Variants in ARK2C observed in about 807,000 individuals in gnomAD.
The protein encoded by ARK2C is arkadia (RNF111) C-terminal like ring finger ubiquitin ligase 2C.
the ARK2C span, chr18:46,337,671 T>C: frequency 2.2e-6 from 2 of 929,702 alleles, no homozygotes; most frequent in Admixed American, 6.2e-5. Flanking sequence ...CTTTTTCTCT[T>C]GCTGTTTTCC....
the ARK2C span, among the ~76,000 whole-genome samples, chr18:46,358,585 C>G: frequency 6.6e-6 from 1 of 152,170 alleles, no homozygotes; most frequent in Admixed American, 6.5e-5. Context: ...GCAGCTCTGG[C>G]CTTCAGGTGT....
chr18:46,387,922 G>A, the ARK2C span, among the ~76,000 whole-genome samples: 2 of 152,330 alleles, frequency 1.3e-5, no homozygotes, highest in South Asian at 4.1e-4. Context: ...CTAATCAACC[G>A]TGGCAGCTGT....
chr18:46,407,859 G>T, the ARK2C span, among the ~76,000 whole-genome samples: 1 of 152,216 alleles, frequency 6.6e-6, no homozygotes, highest in Non-Finnish European at 1.5e-5. Flanking sequence ...CATCACAAAT[G>T]TCACAAAGCT....
At chr18:46,360,098 G>C in the ARK2C span, among the ~76,000 whole-genome samples, 3 of 152,182 alleles carry the variant, frequency 2.0e-5, no homozygotes, top group African/African-American at 7.2e-5. Flanking sequence ...AGAATACCCT[G>C]AGACGCATCA....
At chr18:46,456,867 G>A in the ARK2C span, 1 of 518,616 alleles carries the variant, frequency 1.9e-6, no homozygotes, top group East Asian at 3.4e-5. Context: ...GAGCAGGAGA[G>A]AGGGAGCTGG....
At chr18:46,372,610 G>T in the ARK2C span, among the ~76,000 whole-genome samples, 1 of 152,182 alleles carries the variant, frequency 6.6e-6, no homozygotes. Context: ...AGGTGTCTGG[G>T]TTCCAATGAG....
At chr18:46,408,543 A>T in the ARK2C span, among the ~76,000 whole-genome samples, 1 of 152,198 alleles carries the variant, frequency 6.6e-6, no homozygotes, top group Non-Finnish European at 1.5e-5. Flanking sequence ...AGTCAAACAG[A>T]GTTAAGGTTA....
chr18:46,358,692 G>T, the ARK2C span, among the ~76,000 whole-genome samples: 8 of 152,046 alleles, frequency 5.3e-5, no homozygotes, highest in Non-Finnish European at 8.8e-5. Context: ...CTTACTGACA[G>T]GTTCCAGACC....
chr18:46,416,262 G>C, the ARK2C span, among the ~76,000 whole-genome samples: 1 of 152,302 alleles, frequency 6.6e-6, no homozygotes, highest in East Asian at 1.9e-4. Context: ...AGTGGGCATG[G>C]AGGGAGGAGG....
the ARK2C span, among the ~76,000 whole-genome samples, chr18:46,356,432 C>T: frequency 1.3e-5 from 2 of 152,058 alleles, no homozygotes; most frequent in African/African-American, 4.8e-5. Context: ...TTATTTTATG[C>T]CTGGCACTCA....
At chr18:46,407,461 A>G in the ARK2C span, among the ~76,000 whole-genome samples, 1 of 152,128 alleles carries the variant, frequency 6.6e-6, no homozygotes, top group Non-Finnish European at 1.5e-5. Flanking sequence ...CTCTCCCCAA[A>G]TATCATTTCT....
the ARK2C span, chr18:46,462,171 G>A: frequency 6.6e-6 from 1 of 152,324 alleles, no homozygotes; most frequent in African/African-American, 2.4e-5. Context: ...CCCTGTAGAG[G>A]AATAATGAGG....
At chr18:46,390,162 T>C in the ARK2C span, among the ~76,000 whole-genome samples, 378 of 152,330 alleles carry the variant, frequency 2.5e-3, 4 homozygotes, top group Non-Finnish European at 4.4e-4. Flanking sequence ...CCCTGTGGGA[T>C]GAGCCAGGCT....
At chr18:46,347,842 G>C in the ARK2C span, among the ~76,000 whole-genome samples, 1 of 152,166 alleles carries the variant, frequency 6.6e-6, no homozygotes, top group East Asian at 1.9e-4. Flanking sequence ...CCGGCAGGGT[G>C]ATAGTGAGGC....
At chr18:46,338,105 C>T in the ARK2C span, among the ~76,000 whole-genome samples, 3 of 152,240 alleles carry the variant, frequency 2.0e-5, no homozygotes, top group South Asian at 4.2e-4. Flanking sequence ...ATTTCAGACT[C>T]GCCTAAAAAC....
the ARK2C span, among the ~76,000 whole-genome samples, chr18:46,407,086 T>C: frequency 3.9e-5 from 6 of 152,140 alleles, no homozygotes; most frequent in Non-Finnish European, 5.9e-5. Context: ...GGGAAATGAG[T>C]ACTATAAATT....
chr18:46,335,386 C>G, the ARK2C span: 2 of 152,216 alleles, frequency 1.3e-5, no homozygotes, highest in Admixed American at 1.3e-4. Flanking sequence ...CTCCCCACCT[C>G]CACTCCACAT....
the ARK2C span, among the ~76,000 whole-genome samples, chr18:46,388,189 G>T: frequency 1.3e-5 from 2 of 152,144 alleles, no homozygotes; most frequent in Non-Finnish European, 2.9e-5. Context: ...ATTTTCAAGG[G>T]GTGTTTGGGT....
At chr18:46,366,109 A>G in the ARK2C span, among the ~76,000 whole-genome samples, 1 of 151,898 alleles carries the variant, frequency 6.6e-6, no homozygotes, top group Admixed American at 6.5e-5. Context: ...CCTGACCAAC[A>G]TGGAGAAACC....
Sources: gnomAD v4.1 joint callset for allele counts (sites outside exome capture counted in the v4.1 genomes callset) on GRCh38, gnomAD v4.1.1 for gene constraint, MANE v1.5 for transcripts, NCBI Gene and HGNC (gene_info 2026-07-23, HGNC 2026-07-21) for gene names.